Variants in RBMS3 observed in about 807,000 individuals in gnomAD.
RBMS3 encodes the protein RNA binding motif single stranded interacting protein 3, also known as RNA-binding motif, single-stranded-interacting protein 3.
A neutral mutation model predicts 66.8 loss-of-function variants in RBMS3; 27 were observed. That is an observed-to-expected ratio of 0.40 (90% CI 0.30 to 0.56). The LOEUF is 0.56. RBMS3 is among the 20% of genes least tolerant of loss of function. The pLI is 0.40. For missense variants in RBMS3, 513 were observed against 549.5 expected, an observed-to-expected ratio of 0.93 and a Z score of 0.66; for synonymous variants, 188 against 183.0, an observed-to-expected ratio of 1.03 and a Z score of -0.22.
chr3:29,457,116 T>C (rs767504322), intron 2 of RBMS3, among the ~76,000 whole-genome samples: 6 of 152,158 alleles, frequency 3.9e-5, no homozygotes, highest in Non-Finnish European at 8.8e-5. Context: ...ACAGTCAGGT[T>C]TGACTCACTC....
At chr3:29,710,167 T>C (rs1197820094) in intron 4 of RBMS3, among the ~76,000 whole-genome samples, 1 of 152,232 alleles carries the variant, frequency 6.6e-6, no homozygotes, top group Non-Finnish European at 1.5e-5. Context: ...CTCTCTATTA[T>C]TGGAAGTTTT....
At chr3:29,677,038 C>G (rs553486106) in intron 4 of RBMS3, among the ~76,000 whole-genome samples, 2 of 152,226 alleles carry the variant, frequency 1.3e-5, no homozygotes, top group East Asian at 1.9e-4. Context: ...AAAGCAGAAG[C>G]AGGCGTCTTA....
At chr3:29,405,727 G>A (rs1015073035) in intron 1 of RBMS3, among the ~76,000 whole-genome samples, 3 of 152,148 alleles carry the variant, frequency 2.0e-5, no homozygotes, top group African/African-American at 4.8e-5. Context: ...AAACATGGGG[G>A]AAAATTCAGC....
intron 1 of RBMS3, among the ~76,000 whole-genome samples, chr3:29,285,570 C>A (rs887252351): frequency 1.3e-5 from 2 of 152,018 alleles, no homozygotes; most frequent in Non-Finnish European, 2.9e-5. Flanking sequence ...CTTCTGGTTC[C>A]CCAGAAGGTC....
intron 14 of RBMS3, among the ~76,000 whole-genome samples, chr3:29,993,478 T>C (rs4680865): frequency 0.15 from 23,547 of 152,138 alleles, 2,003 homozygotes; most frequent in Middle Eastern, 0.22. Flanking sequence ...GGCAAAACAA[T>C]ATTTCTGGGT....
chr3:29,629,193 C>G (rs559206573), intron 4 of RBMS3, among the ~76,000 whole-genome samples: 1 of 152,226 alleles, frequency 6.6e-6, no homozygotes, highest in South Asian at 2.1e-4. Flanking sequence ...ATGGGACTAT[C>G]TACTTTCTAC....
intron 2 of RBMS3, among the ~76,000 whole-genome samples, chr3:29,449,216 T>G (rs931698052): frequency 6.6e-6 from 1 of 152,188 alleles, no homozygotes; most frequent in African/African-American, 2.4e-5. Context: ...TACCTATAAT[T>G]TGCAGGTTGT....
intron 4 of RBMS3, among the ~76,000 whole-genome samples, chr3:29,725,605 C>G (rs1217082852): frequency 6.6e-6 from 1 of 151,878 alleles, no homozygotes; most frequent in African/African-American, 2.4e-5. Flanking sequence ...TATGAAAAAT[C>G]TAGAAGAAAT....
chr3:29,528,936 G>A (rs956618632), intron 3 of RBMS3, among the ~76,000 whole-genome samples: 1 of 151,882 alleles, frequency 6.6e-6, no homozygotes, highest in African/African-American at 2.4e-5. Flanking sequence ...TAGAGATGGG[G>A]TTTCACCGTG....
chr3:29,378,440 G>C (rs7428067), intron 1 of RBMS3, among the ~76,000 whole-genome samples: 92,558 of 150,682 alleles, frequency 0.61, 29,677 homozygotes, highest in Non-Finnish European at 0.72. Context: ...CCACGGCATT[G>C]CAGCCTGAGT....
chr3:29,707,360 G>A (rs987747282), intron 4 of RBMS3, among the ~76,000 whole-genome samples: 10 of 152,126 alleles, frequency 6.6e-5, no homozygotes, highest in East Asian at 3.9e-4. Context: ...CACATTCATC[G>A]TTATAGCTAG....
At chr3:29,515,022 A>G (rs2044568457) in intron 3 of RBMS3, among the ~76,000 whole-genome samples, 1 of 152,122 alleles carries the variant, frequency 6.6e-6, no homozygotes, top group Admixed American at 6.5e-5. Context: ...TTCCAAAGTC[A>G]CAGAGCCTGA....
At chr3:29,551,339 G>A (rs897155668) in intron 3 of RBMS3, among the ~76,000 whole-genome samples, 32 of 152,166 alleles carry the variant, frequency 2.1e-4, no homozygotes, top group Admixed American at 2.0e-3. Flanking sequence ...ATGGGAGAGA[G>A]CATTGCAGAT....
chr3:29,295,698 T>C (rs1423327204), intron 1 of RBMS3, among the ~76,000 whole-genome samples: 3 of 151,672 alleles, frequency 2.0e-5, no homozygotes, highest in African/African-American at 7.3e-5. Flanking sequence ...TTCTGGTTTT[T>C]TATTGTCATA....
intron 1 of RBMS3, among the ~76,000 whole-genome samples, chr3:29,371,032 A>G (rs1453360323): frequency 6.6e-6 from 1 of 152,196 alleles, no homozygotes; most frequent in Non-Finnish European, 1.5e-5. Flanking sequence ...TCATGATTTT[A>G]TTTTTAAGCG....
At chr3:29,495,177 A>G (rs1433241890) in intron 3 of RBMS3, among the ~76,000 whole-genome samples, 2 of 147,526 alleles carry the variant, frequency 1.4e-5, no homozygotes, top group African/African-American at 5.0e-5. Flanking sequence ...CACTTATTTT[A>G]TAGAGAGGAT....
intron 6 of RBMS3, among the ~76,000 whole-genome samples, chr3:29,806,399 A>G (rs2057548932): frequency 6.6e-6 from 1 of 151,938 alleles, no homozygotes; most frequent in African/African-American, 2.4e-5. Flanking sequence ...CTGATAATCT[A>G]AAAGTTAAGC....
intron 3 of RBMS3, among the ~76,000 whole-genome samples, chr3:29,561,705 C>A (rs2046562180): frequency 6.6e-6 from 1 of 152,164 alleles, no homozygotes; most frequent in Non-Finnish European, 1.5e-5. Flanking sequence ...CCCGCCTCGG[C>A]CTCCCAAAGT....
At chr3:29,622,653 G>A (rs2048907581) in intron 4 of RBMS3, among the ~76,000 whole-genome samples, 1 of 152,316 alleles carries the variant, frequency 6.6e-6, no homozygotes, top group East Asian at 1.9e-4. Flanking sequence ...TAGGTGAATA[G>A]TAAGTGCCAT....
Sources: allele counts gnomAD v4.1 joint callset (sites outside exome capture counted in the v4.1 genomes callset), GRCh38; gene constraint gnomAD v4.1.1; transcripts MANE v1.5; gene names NCBI Gene and HGNC (gene_info 2026-07-23, HGNC 2026-07-21).